Variants in PRKD3 observed in about 807,000 individuals in gnomAD.
PRKD3 encodes serine/threonine-protein kinase D3.
In PRKD3, 47 loss-of-function variants were observed where a neutral mutation model predicts 99.2. The ratio of observed to expected loss-of-function variants is 0.47; its 90% CI spans 0.38 to 0.60. The LOEUF (loss-of-function observed/expected upper bound fraction) is 0.60. PRKD3 is among the 20% of genes least tolerant of loss of function. The pLI is 0.00. For synonymous variants in PRKD3, 392 were observed against 355.4 expected (o/e 1.10, Z -1.16); for missense variants, 1,019 against 1,088.4 (o/e 0.94, Z 0.90).
In PRKD3 at chr2:37,256,628, A is replaced by ATT. The variant is rs56389006; in HGVS notation, c.2413+32_2413+33dup. On this transcript the variant is annotated intron_variant, in intron 17 of 18. Transcript: ENST00000234179. The stretch of plus-strand genomic sequence containing the variant: ...TTTAGGCTTAAAACACATAGCCAAA[A>ATT]TTTTTTTTTTTTTTTTTTTTTTTTT... 1,227 of 1,201,336 alleles carry ATT rather than the reference A, an allele frequency of 1.0e-3. 22 individuals are homozygous for ATT. Among genetic ancestry groups the ATT allele is most frequent in the Admixed American group, 6.9e-3 (190 of 27,350 alleles). The allele number at this position is 1,201,336 out of a possible 1,614,324, so 74.4% of individuals were successfully genotyped here.
chr2:37,295,336 G>C (rs1405038522), intron 2 of PRKD3, among the ~76,000 whole-genome samples: 3 of 152,202 alleles, frequency 2.0e-5, no homozygotes, highest in African/African-American at 2.4e-5. Context: ...AACTGGGACA[G>C]TGGAGTAGAG....
chr2:37,304,691 G>A (rs369346160), intron 2 of PRKD3, among the ~76,000 whole-genome samples: 24 of 144,238 alleles, frequency 1.7e-4, no homozygotes, highest in African/African-American at 4.9e-4. Flanking sequence ...ACAGCAAGCC[G>A]AAATTGCACC....
At chr2:37,278,124 G>A in intron 8 of PRKD3, 135 bp from the exon 9 acceptor site, 1 of 568,848 alleles carries the variant, frequency 1.8e-6, no homozygotes, top group Non-Finnish European at 2.8e-6. Flanking sequence ...AACAATGGCT[G>A]AAGAAAAATT....
chr2:37,319,339 A>G (rs1671782221), intron 1 of PRKD3, among the ~76,000 whole-genome samples: 2 of 152,210 alleles, frequency 1.3e-5, no homozygotes, highest in Non-Finnish European at 2.9e-5. Context: ...GAAAGTCTTT[A>G]CGGAACTGCC....
chr2:37,293,039 C>G, intron 3 of PRKD3, 94 bp downstream of exon 3: 1 of 1,271,534 alleles, frequency 7.9e-7, no homozygotes, highest in Non-Finnish European at 1.1e-6. Context: ...AACAATAATA[C>G]AAAGACTAAA....
chr2:37,256,465 C>CTATA (rs1667945941), intron 17 of PRKD3, among the ~76,000 whole-genome samples, 197 bp downstream of exon 17: 1 of 151,988 alleles, frequency 6.6e-6, no homozygotes, highest in Non-Finnish European at 1.5e-5. Context: ...TGCCTGGGAA[C>CTATA]TATACAGAAG....
In PRKD3 at chr2:37,286,299, A is replaced by T. The variant is rs1670091921; in HGVS notation, c.788T>A (p.Met263Lys). 6.2e-7 allele frequency: 1 copy of T among 1,614,024 alleles called. No individual in the cohort carries two copies. The highest frequency in any genetic ancestry group is 8.5e-7 in the Non-Finnish European group (1 of 1,179,982). ...WSGRPIWMEK[M>K]VMCRVKVPHT... ...TGGAACTTTCACTCTGCACATTACC[A>T]TCTTTTCCATCCAGATTGGGCGACC... The change falls in exon 6 of 19, where the codon ATG (methionine) becomes AAG (lysine). Residue 263 changes from methionine to lysine, a missense_variant. Coordinates refer to ENST00000234179, the MANE Select transcript of PRKD3 (RefSeq NM_005813.6).
chr2:37,314,023 C>CA (rs1471688757), intron 2 of PRKD3, among the ~76,000 whole-genome samples: 1 of 151,770 alleles, frequency 6.6e-6, no homozygotes, highest in Non-Finnish European at 1.5e-5. Flanking sequence ...AAGAGAGCGC[C>CA]AAAAAATCAA....
At chr2:37,259,014 G>A (rs986268950) in intron 16 of PRKD3, among the ~76,000 whole-genome samples, 9 of 150,976 alleles carry the variant, frequency 6.0e-5, no homozygotes, top group Non-Finnish European at 1.2e-4. Context: ...CATTTCATAG[G>A]TCATGCAATA....
intron 2 of PRKD3, among the ~76,000 whole-genome samples, chr2:37,297,445 G>A (rs1670722950): frequency 1.3e-5 from 2 of 152,002 alleles, no homozygotes; most frequent in African/African-American, 4.8e-5. Context: ...TTGTACATTA[G>A]TTACATGCTA....
chr2:37,291,348 T>C (rs1489844019), intron 3 of PRKD3, among the ~76,000 whole-genome samples: 2 of 152,260 alleles, frequency 1.3e-5, no homozygotes, highest in African/African-American at 2.4e-5. Flanking sequence ...AAAACTACTA[T>C]GGAACTTAAC....
At chr2:37,257,531 T>A (rs1441233271) in intron 16 of PRKD3, among the ~76,000 whole-genome samples, 1 of 151,926 alleles carries the variant, frequency 6.6e-6, no homozygotes, top group East Asian at 1.9e-4. Flanking sequence ...CCTGGCGTGG[T>A]GGCGGGTGCC....
chr2:37,278,224 C>CA (rs772896444), intron 8 of PRKD3: 5,717 of 201,038 alleles, frequency 0.028, 1 homozygote, highest in South Asian at 0.06. Context: ...TGGAGGGCCA[C>CA]AAAAAAAAAA....
At chr2:37,257,012 T>C (rs867955117) in intron 16 of PRKD3, 83 bp from the exon 17 acceptor site, 2 of 1,393,160 alleles carry the variant, frequency 1.4e-6, no homozygotes, top group Middle Eastern at 4.4e-4. Context: ...ACTGTATGTA[T>C]CATTTCAACA....
chr2:37,286,356 T>C lies in PRKD3; in HGVS notation c.731A>G (p.Gln244Arg), dbSNP rs774911020. ...ALPSEESHVH[Q>R]EPSKRIPSWS... ...AGAAGGAATTCTCTTACTTGGTTCCTGGTGGACATGTGACTATAACATAAG... is the reference window on the plus strand; with the variant it reads ...AGAAGGAATTCTCTTACTTGGTTCCCGGTGGACATGTGACTATAACATAAG... Residue 244 changes from glutamine to arginine, a missense_variant, in exon 6 of 19, where the codon CAG (glutamine) becomes CGG (arginine). This residue lies in a region of PRKD3 where 710 missense variants were observed against 692.7 expected (regional missense o/e 1.02). Transcript: ENST00000234179. 2.5e-6 allele frequency: 4 copies of C among 1,613,708 alleles called. No homozygotes were observed. Among genetic ancestry groups the C allele is most frequent in the Non-Finnish European group, 1.7e-6 (2 of 1,179,728 alleles).
intron 16 of PRKD3, among the ~76,000 whole-genome samples, chr2:37,257,630 C>T (rs1176807042): frequency 7.8e-6 from 1 of 128,148 alleles, no homozygotes; most frequent in Non-Finnish European, 1.6e-5. Flanking sequence ...TACGCCGCTG[C>T]AATCCAGCCT....
chr2:37,259,876 A>G (rs1668276476), intron 15 of PRKD3, among the ~76,000 whole-genome samples, 195 bp from the exon 16 acceptor site: 1 of 152,188 alleles, frequency 6.6e-6, no homozygotes, highest in Non-Finnish European at 1.5e-5. Context: ...TAATTATTTT[A>G]GTTTTTAGCT....
At chr2:37,259,499 A>C in intron 16 of PRKD3, 84 bp downstream of exon 16, 1 of 997,650 alleles carries the variant, frequency 1.0e-6, no homozygotes. Context: ...TTTAACCAAC[A>C]GTACTTAGTA....
chr2:37,309,544 T>A (rs1357718034), intron 2 of PRKD3, among the ~76,000 whole-genome samples: 1 of 152,134 alleles, frequency 6.6e-6, no homozygotes, highest in African/African-American at 2.4e-5. Flanking sequence ...GCAATCACCA[T>A]TAATCTAAAG....
Sources: gnomAD v4.1 joint callset for allele counts (sites outside exome capture counted in the v4.1 genomes callset) on GRCh38, gnomAD v4.1.1 for gene constraint, gnomAD v4.1.1 regional missense constraint, MANE v1.5 for transcripts, NCBI Gene and HGNC (gene_info 2026-07-23, HGNC 2026-07-21) for gene names.